MYBPC1: variants seen among roughly 807,000 people sequenced by gnomAD.
The protein encoded by MYBPC1 is myosin-binding protein C, slow-type.
A neutral mutation model predicts 147.1 loss-of-function variants in MYBPC1; 52 were observed. That is an observed-to-expected ratio of 0.35 (90% CI 0.28 to 0.45). The LOEUF (loss-of-function observed/expected upper bound fraction) is 0.45, where lower values mean the gene tolerates loss of function less well. Ranked by LOEUF, MYBPC1 falls within the 20% of genes least tolerant of loss-of-function variation. The pLI is 1.00. For missense variants in MYBPC1, 1,228 were observed against 1,440.3 expected (o/e 0.85, Z 2.39); for synonymous variants, 477 against 475.9 (o/e 1.00, Z -0.03).
intron 3 of MYBPC1, among the ~76,000 whole-genome samples, chr12:101,619,977 T>G (rs1887008987): frequency 6.6e-6 from 1 of 152,230 alleles, no homozygotes; most frequent in African/African-American, 2.4e-5. Flanking sequence ...ATTTGCCAAC[T>G]TTTTCATATT....
At chr12:101,666,757 A>G (rs1488013145) in intron 22 of MYBPC1, 13 of 1,613,764 alleles carry the variant, frequency 8.1e-6, no homozygotes, top group Non-Finnish European at 1.1e-5. Context: ...CATCAGCAAA[A>G]CAGTCTGATG....
chr12:101,691,782 A>G, the MYBPC1 span, among the ~76,000 whole-genome samples: 1 of 152,242 alleles, frequency 6.6e-6, no homozygotes, highest in African/African-American at 2.4e-5. Context: ...ATTTTAAAAT[A>G]CATATTTTTT....
At chr12:101,603,134 C>T (rs946803818) in intron 1 of MYBPC1, among the ~76,000 whole-genome samples, 5 of 151,994 alleles carry the variant, frequency 3.3e-5, no homozygotes, top group African/African-American at 4.8e-5. Context: ...CACCTGAGGT[C>T]GGGAGTTTGA....
chr12:101,616,977 A>G (rs1446497126), intron 2 of MYBPC1, among the ~76,000 whole-genome samples: 3 of 152,204 alleles, frequency 2.0e-5, no homozygotes, highest in Non-Finnish European at 4.4e-5. Context: ...TCTTATGTGT[A>G]CTTTTCCAAA....
intron 7 of MYBPC1, 93 bp downstream of exon 7, chr12:101,631,812 C>T: frequency 6.4e-7 from 1 of 1,568,388 alleles, no homozygotes; most frequent in Non-Finnish European, 8.7e-7. Flanking sequence ...TGAGAGACTT[C>T]AGTTCCAGAA....
At chr12:101,626,962 C>T (rs370512451) in intron 4 of MYBPC1, 52 bp downstream of exon 4, 85 of 1,532,652 alleles carry the variant, frequency 5.5e-5, no homozygotes, top group African/African-American at 2.3e-4. Context: ...TATTCATTGA[C>T]GGTAGAGGAA....
chr12:101,681,480 G>GCTTGGGTATTTATGT (rs1950937041), intron 29 of MYBPC1, among the ~76,000 whole-genome samples: 1 of 125,404 alleles, frequency 8.0e-6, no homozygotes, highest in African/African-American at 3.0e-5. Flanking sequence ...GGGTATTTAT[G>GCTTGGGTATTTATGT]TTTTTTAAAA....
chr12:101,629,846 T>C (rs1889511289), intron 6 of MYBPC1, among the ~76,000 whole-genome samples: 1 of 151,940 alleles, frequency 6.6e-6, no homozygotes, highest in Non-Finnish European at 1.5e-5. Context: ...GCATTCCAGG[T>C]TGGGCAACAG....
intron 30 of MYBPC1, among the ~76,000 whole-genome samples, chr12:101,683,647 A>G (rs1202212219): frequency 6.6e-6 from 1 of 152,100 alleles, no homozygotes; most frequent in African/African-American, 2.4e-5. Flanking sequence ...TATATATGTG[A>G]TTCACCCCCA....
the MYBPC1 span, among the ~76,000 whole-genome samples, chr12:101,694,672 C>T: frequency 6.6e-6 from 1 of 152,056 alleles, no homozygotes; most frequent in East Asian, 1.9e-4. Flanking sequence ...TCCCAGCCTC[C>T]AGAACTGTGA....
At chr12:101,678,347 A>C in intron 28 of MYBPC1, 109 bp downstream of exon 28, 2 of 1,482,042 alleles carry the variant, frequency 1.3e-6, no homozygotes, top group Non-Finnish European at 1.9e-6. Context: ...TCTTCCCAGG[A>C]TGGGGGATTA....
At chr12:101,655,803 G>C (rs1895445958) in intron 18 of MYBPC1, among the ~76,000 whole-genome samples, 1 of 151,822 alleles carries the variant, frequency 6.6e-6, no homozygotes, top group African/African-American at 2.4e-5. Flanking sequence ...TTCAGAAAAA[G>C]GAAAATAATA....
intron 3 of MYBPC1, among the ~76,000 whole-genome samples, chr12:101,620,506 G>C (rs374585197): frequency 2.0e-5 from 3 of 152,308 alleles, no homozygotes; most frequent in South Asian, 2.1e-4. Context: ...AGAGGAAGGT[G>C]GATTTCAGTT....
chr12:101,686,642 CCT>C (rs1347082154), downstream of MYBPC1, among the ~76,000 whole-genome samples: 1 of 152,164 alleles, frequency 6.6e-6, no homozygotes, highest in African/African-American at 2.4e-5. Flanking sequence ...CCTCGCCTCC[CCT>C]CTGTTTTTCT....
At chr12:101,680,172 AAGCACTAAGT>A (rs1362827231) in intron 28 of MYBPC1, among the ~76,000 whole-genome samples, 161 bp from the exon 29 acceptor site, 12 of 152,358 alleles carry the variant, frequency 7.9e-5, no homozygotes, top group African/African-American at 2.6e-4. Context: ...CTTATTTGCC[AAGCACTAAGT>A]AGAGTTTAAT....
intron 26 of MYBPC1, among the ~76,000 whole-genome samples, chr12:101,676,334 G>C (rs1193693099): frequency 1.3e-5 from 2 of 152,176 alleles, no homozygotes; most frequent in Admixed American, 6.5e-5. Flanking sequence ...AGCTACTTGG[G>C]AGGCTGAGGC....
intron 1 of MYBPC1, among the ~76,000 whole-genome samples, chr12:101,605,894 G>A (rs1593614749): frequency 6.6e-6 from 1 of 151,700 alleles, no homozygotes; most frequent in Admixed American, 6.6e-5. Flanking sequence ...AATTGATAAC[G>A]TTTAAAATAC....
chr12:101,643,701 A>C (rs1892529118), intron 11 of MYBPC1, among the ~76,000 whole-genome samples: 1 of 152,212 alleles, frequency 6.6e-6, no homozygotes. Flanking sequence ...AATTAAAAAA[A>C]GAAGTTAACT....
intron 10 of MYBPC1, among the ~76,000 whole-genome samples, chr12:101,639,063 A>G (rs1444851186): frequency 6.6e-6 from 1 of 152,222 alleles, no homozygotes; most frequent in Non-Finnish European, 1.5e-5. Context: ...CTGTACAACG[A>G]AAGATCTTCC....
Sources: allele counts gnomAD v4.1 joint callset (sites outside exome capture counted in the v4.1 genomes callset), GRCh38; gene constraint gnomAD v4.1.1; transcripts MANE v1.5; gene names NCBI Gene and HGNC (gene_info 2026-07-23, HGNC 2026-07-21).